KIAA1217: variants seen among roughly 807,000 people sequenced by gnomAD.
KIAA1217 encodes KIAA1217, also known as sickle tail protein homolog.
In KIAA1217, 88 loss-of-function variants were observed where a neutral mutation model predicts 163.9. The ratio of observed to expected loss-of-function variants is 0.54; its 90% CI spans 0.45 to 0.64. KIAA1217 has a LOEUF of 0.64. Ranked by LOEUF, KIAA1217 falls within the 30% of genes least tolerant of loss-of-function variation. KIAA1217 has a pLI of 0.00. For synonymous variants in KIAA1217, 903 were observed against 923.1 expected (o/e 0.98, Z 0.39); for missense variants, 2,372 against 2,475.0 (o/e 0.96, Z 0.88).
intron 2 of KIAA1217, among the ~76,000 whole-genome samples, chr10:24,073,073 A>AG (rs1034942502): frequency 6.6e-6 from 1 of 151,510 alleles, no homozygotes; most frequent in African/African-American, 2.4e-5. Flanking sequence ...AAAAAAAAAA[A>AG]GAAAGAAAGA....
chr10:24,303,760 A>G (rs747922012), intron 2 of KIAA1217, among the ~76,000 whole-genome samples: 49 of 152,118 alleles, frequency 3.2e-4, no homozygotes, highest in Admixed American at 5.9e-4. Flanking sequence ...CCTTGAATTC[A>G]AGGTCGTGTG....
At chr10:23,952,078 T>G (rs1168303882) in intron 1 of KIAA1217, among the ~76,000 whole-genome samples, 1 of 152,210 alleles carries the variant, frequency 6.6e-6, no homozygotes, top group African/African-American at 2.4e-5. Flanking sequence ...GGCTTACATA[T>G]GGGGATTATC....
intron 1 of KIAA1217, among the ~76,000 whole-genome samples, chr10:23,796,456 C>T (rs1158132598): frequency 2.0e-5 from 3 of 151,864 alleles, no homozygotes; most frequent in Non-Finnish European, 4.4e-5. Context: ...CTCTGCCTCC[C>T]GGGTTCAAGC....
At chr10:23,731,619 A>G (rs1838483102) in intron 1 of KIAA1217, among the ~76,000 whole-genome samples, 2 of 152,200 alleles carry the variant, frequency 1.3e-5, no homozygotes, top group Admixed American at 6.5e-5. Flanking sequence ...ACAACCAGGT[A>G]GGTATGAACC....
In KIAA1217 at chr10:23,810,385, C is replaced by CTA. The variant is rs200168618; in HGVS notation, c.-321+115162_-321+115163dup. On this transcript the variant is annotated intron_variant, in intron 1 of 18. Coordinates refer to the KIAA1217 transcript ENST00000376462. ...TATAGTATATATTCTAGTCCATATACTATATATATATACTCTCTCTATAAT... is the reference window on the plus strand; with the variant it reads ...TATAGTATATATTCTAGTCCATATACTATATATATATATACTCTCTCTATAAT... Among the ~76,000 whole-genome samples, 693 of 143,406 alleles carry CTA rather than the reference C, an allele frequency of 4.8e-3. 1 individual carries two copies. The highest frequency in any genetic ancestry group is 0.017 in the African/African-American group (653 of 39,200). The allele number at this position is 143,406 out of a possible 152,430, so 94.1% of individuals were successfully genotyped here.
At chr10:23,754,497 T>C (rs1889780) in intron 1 of KIAA1217, among the ~76,000 whole-genome samples, 39,716 of 152,092 alleles carry the variant, frequency 0.26, 5,496 homozygotes, top group African/African-American at 0.34. Context: ...GCAGAAAATC[T>C]CTTCTTTCTT....
chr10:24,362,711 A>G (rs2050186238), intron 2 of KIAA1217, among the ~76,000 whole-genome samples: 1 of 152,144 alleles, frequency 6.6e-6, no homozygotes, highest in Non-Finnish European at 1.5e-5. Context: ...GAAAGTCTCT[A>G]ATTTCTGGGC....
intron 9 of KIAA1217, among the ~76,000 whole-genome samples, chr10:24,511,901 T>C (rs2069228291): frequency 6.6e-6 from 1 of 152,178 alleles, no homozygotes; most frequent in African/African-American, 2.4e-5. Context: ...GCCAGACACT[T>C]TATTTTATTG....
chr10:24,203,433 C>T (rs1485257617), intron 2 of KIAA1217, among the ~76,000 whole-genome samples: 1 of 151,940 alleles, frequency 6.6e-6, no homozygotes, highest in Non-Finnish European at 1.5e-5. Flanking sequence ...CGAGAATGCT[C>T]CAGGAGTCAG....
rs574376856 is a variant in KIAA1217, at chr10:23,725,448, C to T, written c.-321+30214C>T. Among the ~76,000 whole-genome samples, 8 of 152,312 alleles carry T rather than the reference C, an allele frequency of 5.3e-5. No homozygotes were observed. In the South Asian group the frequency reaches 1.5e-3, roughly 28 times the overall value. On this transcript the variant is annotated intron_variant, in intron 1 of 18. Transcript: ENST00000376462. The stretch of plus-strand genomic sequence containing the variant: ...ATGACCTATGTCTTGAATTATACTT[C>T]CCCCATCCTTTACAGGCTGTGATGT...
At chr10:23,827,092 A>T (rs1304060935) in intron 1 of KIAA1217, among the ~76,000 whole-genome samples, 2 of 152,220 alleles carry the variant, frequency 1.3e-5, no homozygotes, top group Non-Finnish European at 2.9e-5. Flanking sequence ...AAGTAACTTT[A>T]TAGGACAGGT....
At chr10:23,943,251 A>G (rs939049307) in intron 1 of KIAA1217, among the ~76,000 whole-genome samples, 1 of 152,246 alleles carries the variant, frequency 6.6e-6, no homozygotes, top group Admixed American at 6.5e-5. Flanking sequence ...TATTTCGAAA[A>G]TCCTAAGCAA....
Position 23,695,924 on chromosome 10 carries a change from G to A in KIAA1217, c.-321+690G>A, listed in dbSNP as rs545328662. ...GGTTTCGCGGAGGGCGACAGCGCCC[G>A]GGAGCAGGGTGACCCCCACAGCGGC... On this transcript the variant is annotated intron_variant, in intron 1 of 18. Coordinates refer to the KIAA1217 transcript ENST00000376462. This position sits in a 1 kb window ranked among gnomAD's most constrained non-coding sequence, Gnocchi z 4.9. 2.0e-5 allele frequency among the ~76,000 whole-genome samples: 3 copies of A among 152,302 alleles called. No homozygotes were observed. Among genetic ancestry groups the A allele is most frequent in the South Asian group, 2.1e-4 (1 of 4,832 alleles).
chr10:23,812,793 T>G (rs1292017244), intron 1 of KIAA1217, among the ~76,000 whole-genome samples: 1 of 152,162 alleles, frequency 6.6e-6, no homozygotes, highest in Non-Finnish European at 1.5e-5. Context: ...TCACGCAGTA[T>G]GTGGTTTTTT....
At chr10:24,041,186 T>C (rs1023523608) in intron 2 of KIAA1217, among the ~76,000 whole-genome samples, 2 of 152,182 alleles carry the variant, frequency 1.3e-5, no homozygotes, top group Admixed American at 6.5e-5. Context: ...AGAGTTTGTA[T>C]AGACTCTCCC....
At chr10:24,365,350 C>G (rs568060185) in intron 2 of KIAA1217, among the ~76,000 whole-genome samples, 1 of 152,054 alleles carries the variant, frequency 6.6e-6, no homozygotes, top group Non-Finnish European at 1.5e-5. Flanking sequence ...GTTCTCCTCC[C>G]GCAGCCGGTG....
intron 1 of KIAA1217, among the ~76,000 whole-genome samples, chr10:23,939,276 A>G (rs1333495843): frequency 2.0e-5 from 3 of 152,170 alleles, no homozygotes; most frequent in Non-Finnish European, 4.4e-5. Flanking sequence ...TTAAATGTAA[A>G]CAGTTTAGAC....
chr10:24,001,650 A>G (rs1589217609), intron 1 of KIAA1217, among the ~76,000 whole-genome samples: 1 of 152,232 alleles, frequency 6.6e-6, no homozygotes, highest in Non-Finnish European at 1.5e-5. Flanking sequence ...TAACTGATAT[A>G]GAAAGTGGTG....
rs2066634317 is a variant in KIAA1217, at chr10:24,495,149, A to G, written c.1787A>G (p.Glu596Gly). 1 of 1,612,096 alleles carries G rather than the reference A, an allele frequency of 6.2e-7. No individual in the cohort carries two copies. Among genetic ancestry groups the G allele is most frequent in the Admixed American group, 1.7e-5 (1 of 59,740 alleles). Residue 596 changes from glutamate to glycine, a missense_variant and splice_region_variant, in exon 8 of 21, where the codon GAG becomes GGG. By Grantham distance (98) the Glu-to-Gly change is moderately conservative (BLOSUM62 -2). Around this residue, in one of 3 missense-constraint regions of KIAA1217, gnomAD observed 1,431 missense variants for 1,470.3 expected, o/e 0.97. Transcript: ENST00000376454. Reference sequence around the variant, plus strand: ...GACTCTCTTTTTCTTTTATTCAGCGAGAAAATGATGAAAACCACAGCCAAC... The same window carrying G: ...GACTCTCTTTTTCTTTTATTCAGCGGGAAAATGATGAAAACCACAGCCAAC... ...ITSYSKDASS[E>G]KMMKTTANRN...
Sources: gnomAD v4.1 joint callset for allele counts (sites outside exome capture counted in the v4.1 genomes callset) on GRCh38, gnomAD v4.1.1 for gene constraint, gnomAD v4.1.1 regional missense constraint, Gnocchi (gnomAD v3.1) non-coding constraint, MANE v1.5 for transcripts, NCBI Gene and HGNC (gene_info 2026-07-23, HGNC 2026-07-21) for gene names.